FOXK2: variants seen among roughly 807,000 people sequenced by gnomAD.
The protein encoded by FOXK2 is forkhead box protein K2.
Under a neutral mutation model 53.3 loss-of-function variants are expected in FOXK2, and 24 were observed. That is an observed-to-expected ratio of 0.45 (90% CI 0.33 to 0.63). The LOEUF (loss-of-function observed/expected upper bound fraction) is 0.63, where lower values mean the gene tolerates loss of function less well. FOXK2 is among the 30% of genes least tolerant of loss of function. FOXK2 has a pLI of 0.03. For missense variants in FOXK2, 952 were observed against 910.5 expected, an observed-to-expected ratio of 1.05 and a Z score of -0.59; for synonymous variants, 505 against 407.1, an observed-to-expected ratio of 1.24 and a Z score of -2.89.
chr17:82,581,460 C>T (rs947982600), intron 4 of FOXK2, among the ~76,000 whole-genome samples: 3 of 145,294 alleles, frequency 2.1e-5, no homozygotes, highest in African/African-American at 7.6e-5. Flanking sequence ...CCACTGTGCC[C>T]GGATGATTTT....
At chr17:82,557,035 T>A (rs1599896740) in intron 1 of FOXK2, among the ~76,000 whole-genome samples, 3 of 126,208 alleles carry the variant, frequency 2.4e-5, no homozygotes, top group African/African-American at 9.3e-5. Flanking sequence ...ATTATTATTT[T>A]TTATTTTTTT....
chr17:82,557,626 T>C (rs2044744638), intron 1 of FOXK2, among the ~76,000 whole-genome samples: 1 of 152,156 alleles, frequency 6.6e-6, no homozygotes, highest in Non-Finnish European at 1.5e-5. Flanking sequence ...ATTACAGGTG[T>C]GAGCCACTGT....
intron 4 of FOXK2, among the ~76,000 whole-genome samples, chr17:82,573,390 T>A (rs1390706225): frequency 2.6e-5 from 4 of 152,058 alleles, no homozygotes; most frequent in Non-Finnish European, 5.9e-5. Context: ...ATCTCTTAAT[T>A]GACCATTAGG....
At chr17:82,549,254 G>A (rs2044654010) in intron 1 of FOXK2, among the ~76,000 whole-genome samples, 1 of 152,204 alleles carries the variant, frequency 6.6e-6, no homozygotes, top group African/African-American at 2.4e-5. Context: ...ACACCAAGTT[G>A]CCACACCGAA....
chr17:82,587,315 G>GCTCCCAGTACCCACA, intron 8 of FOXK2, 43 bp downstream of exon 8: 1 of 1,465,766 alleles, frequency 6.8e-7, no homozygotes, highest in Non-Finnish European at 9.5e-7. Context: ...TGTGGGTACT[G>GCTCCCAGTACCCACA]GGAGCAGAGC....
At chr17:82,599,052 C>T (rs966977012) in intron 8 of FOXK2, 1 of 151,920 alleles carries the variant, frequency 6.6e-6, no homozygotes, top group Non-Finnish European at 1.5e-5. Flanking sequence ...CTCAGCCCAG[C>T]TTCCTGCTTT....
chr17:82,562,235 G>C (rs776782722), intron 1 of FOXK2, among the ~76,000 whole-genome samples: 4 of 152,176 alleles, frequency 2.6e-5, no homozygotes, highest in Non-Finnish European at 5.9e-5. Flanking sequence ...TAATGTCCCT[G>C]GCTCTTTGTT....
At position 82,571,829 on chromosome 17, in the gene FOXK2, A is replaced by C; in HGVS notation, c.868A>C (p.Lys290Gln). 6.3e-7 allele frequency: 1 copy of C among 1,599,742 alleles called. No individual in the cohort carries two copies. Among genetic ancestry groups the C allele is most frequent in the East Asian group, 2.3e-5 (1 of 43,402 alleles). ...GAACGGGATTTATACACACATCACTAAAAATTATCCCTACTACAGGACTGC... is the reference window on the plus strand; with the variant it reads ...GAACGGGATTTATACACACATCACTCAAAATTATCCCTACTACAGGACTGC... ...TLNGIYTHITKNYPYYRTADK... is the reference protein window; with the variant it reads ...TLNGIYTHITQNYPYYRTADK... Residue 290 changes from lysine to glutamine, a missense_variant, in exon 4 of 9, where the codon AAA (lysine) becomes CAA (glutamine). Lys to Gln is a moderately conservative substitution (Grantham distance 53, BLOSUM62 1). Transcript: ENST00000335255.
At chr17:82,560,422 C>T (rs1004627530) in intron 1 of FOXK2, among the ~76,000 whole-genome samples, 3 of 151,988 alleles carry the variant, frequency 2.0e-5, no homozygotes, top group African/African-American at 4.8e-5. Context: ...CCACCGTGCC[C>T]GGCCCTCCTC....
intron 8 of FOXK2, among the ~76,000 whole-genome samples, chr17:82,594,730 A>G (rs1197451307): frequency 4.6e-5 from 7 of 152,160 alleles, no homozygotes; most frequent in Non-Finnish European, 8.8e-5. Flanking sequence ...GGACTCGCAG[A>G]GGAACTTAGT....
Position 82,587,074 on chromosome 17 carries a change from C to G in FOXK2, c.1588C>G (p.Pro530Ala). Residue 530 changes from proline to alanine, a missense_variant, in exon 8 of 9, where the codon CCT becomes GCT. By Grantham distance (27) the Pro-to-Ala change is conservative. Transcript: ENST00000335255. The part of the protein sequence containing the change: ...DHREVKVKVE[P>A]IPAIGHATLG... Reference sequence around the variant, plus strand: ...TCCTTTAATTTCAGTGAAAGTAGAGCCTATTCCCGCCATTGGCCACGCCAC... The same window carrying G: ...TCCTTTAATTTCAGTGAAAGTAGAGGCTATTCCCGCCATTGGCCACGCCAC... The G allele has an allele frequency of 1.2e-6, 2 of 1,612,712 alleles. No homozygotes were observed. The highest frequency in any genetic ancestry group is 2.2e-5 in the South Asian group (2 of 91,080).
chr17:82,590,857 G>A (rs2045246660), intron 8 of FOXK2, among the ~76,000 whole-genome samples: 1 of 152,190 alleles, frequency 6.6e-6, no homozygotes, highest in Admixed American at 6.5e-5. Context: ...GGGAGGGACT[G>A]CACAGGCTGC....
chr17:82,563,751 C>CT (rs1491377208), intron 2 of FOXK2, among the ~76,000 whole-genome samples: 5 of 132,158 alleles, frequency 3.8e-5, no homozygotes, highest in Admixed American at 8.0e-5. Flanking sequence ...TACTCATTCC[C>CT]TTTTTTTTTT....
chr17:82,555,190 C>A (rs1169634456), intron 1 of FOXK2, among the ~76,000 whole-genome samples: 1 of 152,184 alleles, frequency 6.6e-6, no homozygotes, highest in Admixed American at 6.5e-5. Flanking sequence ...AGGAAAGTTG[C>A]AGGGCCAGGG....
At chr17:82,589,943 C>T (rs2045236408) in intron 8 of FOXK2, among the ~76,000 whole-genome samples, 1 of 151,820 alleles carries the variant, frequency 6.6e-6, no homozygotes, top group African/African-American at 2.4e-5. Flanking sequence ...CTACTCTGGA[C>T]GCTGAGGCAG....
chr17:82,532,787 C>T (rs1183784061), intron 1 of FOXK2, among the ~76,000 whole-genome samples: 3 of 149,794 alleles, frequency 2.0e-5, no homozygotes, highest in South Asian at 2.1e-4. Context: ...AGGCTGGTCT[C>T]GAACTCCTGA....
chr17:82,525,673 A>G (rs1333559520), intron 1 of FOXK2, among the ~76,000 whole-genome samples: 5 of 152,242 alleles, frequency 3.3e-5, no homozygotes, highest in African/African-American at 4.8e-5. Flanking sequence ...GAAAATGTCA[A>G]ATGAATTTGA....
chr17:82,539,379 G>T (rs1705652396), intron 1 of FOXK2, among the ~76,000 whole-genome samples: 2 of 152,090 alleles, frequency 1.3e-5, no homozygotes, highest in South Asian at 4.1e-4. Context: ...GGGCGTGGTG[G>T]CTCAGGCCTG....
At chr17:82,585,480 A>G (rs2045124648) in intron 6 of FOXK2, among the ~76,000 whole-genome samples, 1 of 152,126 alleles carries the variant, frequency 6.6e-6, no homozygotes, top group Non-Finnish European at 1.5e-5. Context: ...GCACAGTAAC[A>G]TGCCCGGTTA....
Sources: allele counts gnomAD v4.1 joint callset (sites outside exome capture counted in the v4.1 genomes callset), GRCh38; gene constraint gnomAD v4.1.1; transcripts MANE v1.5; gene names NCBI Gene and HGNC (gene_info 2026-07-23, HGNC 2026-07-21).